BAK1: variants seen among roughly 807,000 people sequenced by gnomAD.
BAK1 encodes the protein BCL2 antagonist/killer 1.
A neutral mutation model predicts 24.7 loss-of-function variants in BAK1; 19 were observed. That is an observed-to-expected ratio of 0.77 (90% CI 0.54 to 1.13). BAK1 has a LOEUF of 1.13. Among genes scored for constraint, BAK1 ranks in the 50% most tolerant of loss-of-function variants. BAK1 has a pLI of 0.00. For synonymous variants in BAK1, 86 were observed against 107.3 expected, an observed-to-expected ratio of 0.80 and a Z score of 1.23; for missense variants, 194 against 279.4, an observed-to-expected ratio of 0.69 and a Z score of 2.18.
intron 2 of BAK1, among the ~76,000 whole-genome samples, chr6:33,576,477 C>CA (rs1273518860): frequency 6.6e-6 from 1 of 151,238 alleles, no homozygotes; most frequent in African/African-American, 2.4e-5. Context: ...AAACAAAATA[C>CA]AAAAAATTAG....
chr6:33,579,246 T>C (rs1020606986), intron 1 of BAK1, among the ~76,000 whole-genome samples: 1 of 152,164 alleles, frequency 6.6e-6, no homozygotes, highest in Non-Finnish European at 1.5e-5. Context: ...CTCGGGAGGC[T>C]GAGGCAGGAG....
rs1219986379 is a variant in BAK1, at chr6:33,577,786, C to CA, written c.-31-152dup. On this transcript the variant is annotated intron_variant, in intron 1 of 5. Transcript: ENST00000374467. The surrounding 1 kb of genome is among the most constrained non-coding windows in gnomAD (Gnocchi z 4.6). ...TCTGGGACTTTGGCCAGGCCGGTCT[C>CA]AAACTCCTGACCTCGTGAGTCTGCC... Among the ~76,000 whole-genome samples, 2 of 152,220 alleles carry CA rather than the reference C, an allele frequency of 1.3e-5. No homozygotes were observed. Among genetic ancestry groups the CA allele is most frequent in the African/African-American group, 4.8e-5 (2 of 41,444 alleles).
rs1762888061 is a variant in BAK1, at chr6:33,578,784, C to T, written c.-31-1149G>A. 6.6e-6 allele frequency among the ~76,000 whole-genome samples: 1 copy of T among 152,172 alleles called. No individual in the cohort carries two copies. The highest frequency in any genetic ancestry group is 6.5e-5 in the Admixed American group (1 of 15,272). On this transcript the variant is annotated intron_variant, in intron 1 of 5. Transcript: ENST00000374467. The surrounding 1 kb of genome is among the most constrained non-coding windows in gnomAD (Gnocchi z 4.8). ...TGCACCCCTCCCAGAGCCCCATTTC[C>T]CCAGGCAGCCTCCAGCCCTCAGAAG...
In BAK1 at chr6:33,575,512, A is replaced by G; in HGVS notation, c.207-71T>C. On this transcript the variant is annotated intron_variant, in intron 3 of 5. Coordinates refer to ENST00000374467, the MANE Select transcript of BAK1 (RefSeq NM_001188.4). The surrounding 1 kb of genome is among the most constrained non-coding windows in gnomAD (Gnocchi z 6.3). ...GGGACCAGGCCCTGGCTCATGGCAG[A>G]GGGGTTCTGCCTGAGCTGTCCATGG... 1 of 1,601,364 alleles carries G rather than the reference A, an allele frequency of 6.2e-7. No individual in the cohort carries two copies. The highest frequency in any genetic ancestry group is 2.2e-5 in the East Asian group (1 of 44,772).
rs1312030410 is a variant in BAK1 at position 33,575,323 on chromosome 6, C to A, written c.325G>T (p.Glu109Ter). The A allele has an allele frequency of 6.2e-7, 1 of 1,614,168 alleles. No individual in the cohort carries two copies. Among genetic ancestry groups the A allele is most frequent in the Non-Finnish European group, 8.5e-7 (1 of 1,180,038 alleles). ...HLQPTAENAY[E>*]YFTKIATSLF... ...CTGGTGGCAATCTTGGTGAAGTACTCATAGGCATTCTCTGCCGTGGGCTGC... is the reference window on the plus strand; with the variant it reads ...CTGGTGGCAATCTTGGTGAAGTACTAATAGGCATTCTCTGCCGTGGGCTGC... Residue 109 changes from glutamate (E) to a stop codon, truncating the protein, a stop_gained, in exon 4 of 6, where the codon GAG (glutamate) becomes TAG (stop). Transcript: ENST00000374467. LOFTEE classifies it high-confidence loss of function. The surrounding 1 kb of genome is among the most constrained non-coding windows in gnomAD (Gnocchi z 6.3).
At position 33,575,808 on chromosome 6, in the gene BAK1, G is replaced by T; in HGVS notation, c.191C>A (p.Pro64His). The T allele has an allele frequency of 1.2e-6, 2 of 1,613,114 alleles. No individual in the cohort carries two copies. Among genetic ancestry groups the T allele is most frequent in the Non-Finnish European group, 1.7e-6 (2 of 1,179,996 alleles). ...TGTAGCTCACCTGCTAGGTTGCAGA[G>T]GTAAGGTGACCATCTCTGGGTCGGC... Reference protein sequence around the residue: ...APADPEMVTLPLQPSSTMGQV... With the variant: ...APADPEMVTLHLQPSSTMGQV... Residue 64 changes from proline (P) to histidine (H), a missense_variant, in exon 3 of 6, where the codon CCT (proline) becomes CAT (histidine). Pro to His is a moderately conservative substitution (Grantham distance 77). Coordinates refer to ENST00000374467, the MANE Select transcript of BAK1 (RefSeq NM_001188.4). The surrounding 1 kb of genome is among the most constrained non-coding windows in gnomAD (Gnocchi z 6.3).
chr6:33,575,110 C>T lies in BAK1; in HGVS notation c.350+188G>A. On this transcript the variant is annotated intron_variant, in intron 4 of 5. Transcript: ENST00000374467. The surrounding 1 kb of genome is among the most constrained non-coding windows in gnomAD (Gnocchi z 6.3). ...CTCAAAAGAGCTGTGAGCTAATGCC[C>T]AAAATACAAGTCTGGGACCCCGAAA... 2.4e-6 allele frequency: 2 copies of T among 843,184 alleles called. No homozygotes were observed. Among genetic ancestry groups the T allele is most frequent in the Admixed American group, 2.1e-5 (1 of 48,298 alleles). 52.2% of individuals were successfully genotyped at this position (843,184 alleles called of 1,614,324 possible).
Position 33,575,244 on chromosome 6 carries a change from G to A in BAK1, c.350+54C>T. ...GCATCATGCAGGCAGGGTATGGTAT[G>A]GTTGTGACATGACAGAGGAGTGACT... On this transcript the variant is annotated intron_variant, in intron 4 of 5. Transcript: ENST00000374467. The surrounding 1 kb of genome is among the most constrained non-coding windows in gnomAD (Gnocchi z 6.3). 6.2e-7 allele frequency: 1 copy of A among 1,612,414 alleles called. No individual in the cohort carries two copies. The highest frequency in any genetic ancestry group is 8.5e-7 in the Non-Finnish European group (1 of 1,178,520).
At chr6:33,576,167 A>G (rs144984323) in intron 2 of BAK1, among the ~76,000 whole-genome samples, 2 of 152,164 alleles carry the variant, frequency 1.3e-5, no homozygotes, top group Non-Finnish European at 2.9e-5. Flanking sequence ...TGTCTCTACT[A>G]AAAATACAAA....
rs904732672 is a variant in BAK1, at chr6:33,578,871, A to G, written c.-32+1154T>C. 6.6e-6 allele frequency among the ~76,000 whole-genome samples: 1 copy of G among 152,036 alleles called. No homozygotes were observed. Among genetic ancestry groups the G allele is most frequent in the African/African-American group, 2.4e-5 (1 of 41,412 alleles). On this transcript the variant is annotated intron_variant, in intron 1 of 5. Transcript: ENST00000374467. This position sits in a 1 kb window ranked among gnomAD's most constrained non-coding sequence, Gnocchi z 4.8. ...TGCAGCCCCACCCTGGGCCAAGCAC[A>G]CAGCCCCACCCCCACCGCCCAGGGC...
In BAK1 at chr6:33,573,762, G is replaced by GTT. The variant is rs1342102424; in HGVS notation, c.*40_*41insAA. ...AGGCAAAGACTTCGCTTAAGTCCAG[G>GTT]CAGGGGTCTGAACCGGGACCCCAAA... On this transcript the variant is annotated 3_prime_UTR_variant, in exon 6 of 6. Transcript: ENST00000374467. The GTT allele has an allele frequency of 6.5e-7, 1 of 1,537,536 alleles. No homozygotes were observed. Among genetic ancestry groups the GTT allele is most frequent in the South Asian group, 1.1e-5 (1 of 89,196 alleles).
In BAK1 at chr6:33,577,460, C is replaced by T; in HGVS notation, c.70+75G>A. ...GGTGAACCGAGGCGAAGGAGCCTGC[C>T]TGAGTCCTGCTCCTTCCATCCTCAC... On this transcript the variant is annotated intron_variant, in intron 2 of 5. Transcript: ENST00000374467. The surrounding 1 kb of genome is among the most constrained non-coding windows in gnomAD (Gnocchi z 4.6). 2.9e-6 allele frequency: 4 copies of T among 1,367,010 alleles called. No individual in the cohort carries two copies. The highest frequency in any genetic ancestry group is 3.9e-6 in the Non-Finnish European group (4 of 1,018,770). 84.7% of individuals were successfully genotyped at this position (1,367,010 alleles called of 1,614,324 possible). A position where few individuals can be genotyped will look rare whatever the true frequency, so the allele number is the denominator to read the frequency against.
At chr6:33,579,230 C>T (rs960487438) in intron 1 of BAK1, among the ~76,000 whole-genome samples, 1 of 152,218 alleles carries the variant, frequency 6.6e-6, no homozygotes, top group Non-Finnish European at 1.5e-5. Context: ...CCTGTAGTCC[C>T]AGCTACTCGG....
In BAK1 at chr6:33,574,187, G is replaced by C; in HGVS notation, c.378C>G (p.Gly126=). The C allele has an allele frequency of 6.2e-7, 1 of 1,613,986 alleles. No homozygotes were observed. Among genetic ancestry groups the C allele is most frequent in the Non-Finnish European group, 8.5e-7 (1 of 1,179,942 alleles). The stretch of plus-strand genomic sequence containing the variant: ...CGAAGCCCAGAAGAGCCACCACACG[G>C]CCCCAATTGATGCCACTCTCAAACA... The part of the protein sequence containing the change: ...TSLFESGINW[G]RVVALLGFGY... Residue 126 remains glycine (G), a synonymous_variant, in exon 5 of 6, where the codon GGC becomes GGG. Transcript: ENST00000374467.
At position 33,577,486 on chromosome 6, in the gene BAK1, G is replaced by A. The variant is rs1448151573; in HGVS notation, c.70+49C>T. 7.4e-6 allele frequency: 11 copies of A among 1,490,718 alleles called. No individual in the cohort carries two copies. Among genetic ancestry groups the A allele is most frequent in the South Asian group, 1.2e-5 (1 of 80,182 alleles). The allele number at this position is 1,490,718 out of a possible 1,614,324, so 92.3% of individuals were successfully genotyped here. A position where few individuals can be genotyped will look rare whatever the true frequency, so the allele number is the denominator to read the frequency against. ...TGAGTCCTGCTCCTTCCATCCTCAC[G>A]ACAGCACTCATGGTTATGGGATGGG... On this transcript the variant is annotated intron_variant, in intron 2 of 5. Transcript: ENST00000374467. The surrounding 1 kb of genome is among the most constrained non-coding windows in gnomAD (Gnocchi z 4.6).
In BAK1 at chr6:33,575,543, T is replaced by C; in HGVS notation, c.207-102A>G. 2.0e-6 allele frequency: 3 copies of C among 1,505,566 alleles called. No individual in the cohort carries two copies. Among genetic ancestry groups the C allele is most frequent in the Non-Finnish European group, 2.7e-6 (3 of 1,095,504 alleles). 93.3% of individuals were successfully genotyped at this position (1,505,566 alleles called of 1,614,324 possible). ...TCTGCCTGAGCTGTCCATGGCCCTG[T>C]GCATCCCTTCTTGGAGGTCCCTGAC... is the stretch of plus-strand genomic sequence containing the variant. On this transcript the variant is annotated intron_variant, in intron 3 of 5. Transcript: ENST00000374467. The surrounding 1 kb of genome is among the most constrained non-coding windows in gnomAD (Gnocchi z 6.3).
Position 33,574,039 on chromosome 6 carries a change from C to T in BAK1, c.526G>A (p.Gly176Ser). ...TGCAGTCCTTGGATACTCACCCAGC[C>T]ACCCCTCTGTGCAATCCACCGGGCA... ...CIARWIAQRG[G>S]WVAALNLGNG... The change falls in exon 5 of 6, where the codon GGC becomes AGC. Residue 176 changes from glycine (G) to serine (S), a missense_variant. By Grantham distance (56) the Gly-to-Ser change is moderately conservative. Transcript: ENST00000374467. 6.2e-7 allele frequency: 1 copy of T among 1,613,858 alleles called. No homozygotes were observed. Among genetic ancestry groups the T allele is most frequent in the South Asian group, 1.1e-5 (1 of 91,076 alleles).
At position 33,577,657 on chromosome 6, in the gene BAK1, A is replaced by C; in HGVS notation, c.-31-22T>G. ...CAGCCTGCGGGGAAGGGCGAGAAAA[A>C]GCAGAGATGGGGGTGAGCACAGACC... On this transcript the variant is annotated intron_variant, in intron 1 of 5. Transcript: ENST00000374467. This position sits in a 1 kb window ranked among gnomAD's most constrained non-coding sequence, Gnocchi z 4.6. 3 of 1,482,434 alleles carry C rather than the reference A, an allele frequency of 2.0e-6. No homozygotes were observed. Among genetic ancestry groups the C allele is most frequent in the Non-Finnish European group, 2.7e-6 (3 of 1,091,024 alleles). The allele number at this position is 1,482,434 out of a possible 1,614,324, so 91.8% of individuals were successfully genotyped here. A position where few individuals can be genotyped will look rare whatever the true frequency, so the allele number is the denominator to read the frequency against.
Position 33,574,214 on chromosome 6 carries a change from G to A in BAK1, c.351C>T (p.Ser117=). 2 of 1,613,118 alleles carry A rather than the reference G, an allele frequency of 1.2e-6. No individual in the cohort carries two copies. Among genetic ancestry groups the A allele is most frequent in the Middle Eastern group, 1.7e-4 (1 of 6,050 alleles). The change falls in exon 5 of 6, where the codon AGC becomes AGT. Residue 117 remains serine (S), a splice_region_variant and synonymous_variant. Transcript: ENST00000374467. ...AYEYFTKIAT[S]LFESGINWGR... ...CCCAATTGATGCCACTCTCAAACAG[G>A]CTGTGGGCAGAGCATCCCATAGCAT...
Sources: gnomAD v4.1 joint callset for allele counts (sites outside exome capture counted in the v4.1 genomes callset) on GRCh38, gnomAD v4.1.1 for gene constraint, Gnocchi (gnomAD v3.1) non-coding constraint, MANE v1.5 for transcripts, NCBI Gene and HGNC (gene_info 2026-07-23, HGNC 2026-07-21) for gene names.